The following PEX3 variants were observed in gnomAD, a reference collection of about 807,000 sequenced individuals.
PEX3 encodes the protein peroxisomal biogenesis factor 3.
A neutral mutation model predicts 55.8 loss-of-function variants in PEX3; 30 were observed. The observed-to-expected ratio is 0.54, with a 90% CI of 0.40 to 0.73. PEX3 has a LOEUF of 0.73. Among genes scored for constraint, PEX3 ranks in the 30% least tolerant of loss-of-function variants. The pLI is 0.00. For missense variants in PEX3, 351 were observed against 432.8 expected, an observed-to-expected ratio of 0.81 and a Z score of 1.68; for synonymous variants, 135 against 148.4, an observed-to-expected ratio of 0.91 and a Z score of 0.66.
rs2128746350 is a variant in PEX3 at position 143,468,158 on chromosome 6, GATA to G, written c.329_331del (p.Ile110del). 1.3e-6 allele frequency: 2 copies of G among 1,587,730 alleles called. No individual in the cohort carries two copies. Among genetic ancestry groups the G allele is most frequent in the Non-Finnish European group, 1.7e-6 (2 of 1,156,962 alleles). ...AGCTAGAAATATGGGAGGATCTGAAGATAATAAGTAAGCCTGCATATTCTGTGT... is the reference window on the plus strand; with the variant it reads ...AGCTAGAAATATGGGAGGATCTGAAGATAAGTAAGCCTGCATATTCTGTGT... On this transcript the variant is annotated inframe_deletion, in exon 4 of 12. Transcript: ENST00000367591.
rs35220041 is a variant in PEX3 at position 143,462,955 on chromosome 6, A to G, written c.245A>G (p.Gln82Arg). 9.4e-3 allele frequency: 15,111 copies of G among 1,613,850 alleles called. 888 individuals carry two copies. The Admixed American group carries it at 0.14, about 15-fold the overall frequency. The change falls in exon 3 of 12, where the codon CAG becomes CGG. Residue 82 changes from glutamine to arginine, a missense_variant. By Grantham distance (43) the Gln-to-Arg change is conservative (BLOSUM62 1). Transcript: ENST00000367591. The surrounding 1 kb of genome is among the most constrained non-coding windows in gnomAD (Gnocchi z 4.1). ...CCAACACTGAGAGAGGCCTTAATGC[A>G]GCAACTGAATTCCGAGAGCCTCACA... ...MLPTLREALM[Q>R]QLNSESLTAL...
rs1780333920 is a variant in PEX3, at chr6:143,487,276, T to C, written c.1039-1867T>C. Among the ~76,000 whole-genome samples, 1 of 152,178 alleles carries C rather than the reference T, an allele frequency of 6.6e-6. No individual in the cohort carries two copies. The highest frequency in any genetic ancestry group is 1.5e-5 in the Non-Finnish European group (1 of 68,020). On this transcript the variant is annotated intron_variant, in intron 11 of 11. Coordinates refer to ENST00000367591, the MANE Select transcript of PEX3 (RefSeq NM_003630.3). This position sits in a 1 kb window ranked among gnomAD's most constrained non-coding sequence, Gnocchi z 5.3. ...TACAGTATTTGAACAGATTAAAGTC[T>C]TTATTATAAAGCTGATATAAGTTAG...
chr6:143,478,796 C>T (rs1208272850), intron 9 of PEX3, among the ~76,000 whole-genome samples: 1 of 151,976 alleles, frequency 6.6e-6, no homozygotes, highest in Admixed American at 6.6e-5. Flanking sequence ...TAAGAGTTTC[C>T]TCAAAATTAG....
Position 143,451,051 on chromosome 6 carries a change from G to A in PEX3, c.9G>A (p.Arg3=). The part of the protein sequence containing the change: ML[R]SVWNFLKRHK... ...ACCCCTAGGGCCTAAAGATGCTGAGGTCTGTATGGAATTTTCTGAAACGCC... is the reference window on the plus strand; with the variant it reads ...ACCCCTAGGGCCTAAAGATGCTGAGATCTGTATGGAATTTTCTGAAACGCC... Residue 3 remains arginine (R), a synonymous_variant, in exon 1 of 12, where the codon AGG becomes AGA. Coordinates refer to ENST00000367591, the MANE Select transcript of PEX3 (RefSeq NM_003630.3). The surrounding 1 kb of genome is among the most constrained non-coding windows in gnomAD (Gnocchi z 4.1). 2 of 1,612,794 alleles carry A rather than the reference G, an allele frequency of 1.2e-6. No homozygotes were observed. The highest frequency in any genetic ancestry group is 1.7e-6 in the Non-Finnish European group (2 of 1,178,788).
rs1440106279 is a variant in PEX3, at chr6:143,463,338, T to C, written c.287+341T>C. On this transcript the variant is annotated intron_variant, in intron 3 of 11. Transcript: ENST00000367591. The surrounding 1 kb of genome is among the most constrained non-coding windows in gnomAD (Gnocchi z 5.7). ...AAGCTAACAAAGTTACGTTAAATAT[T>C]GTGCTTCTTTCTGAAAGAGCTTACG... is the stretch of plus-strand genomic sequence containing the variant. Among the ~76,000 whole-genome samples, 2 of 152,250 alleles carry C rather than the reference T, an allele frequency of 1.3e-5. No individual in the cohort carries two copies. The highest frequency in any genetic ancestry group is 2.9e-5 in the Non-Finnish European group (2 of 68,040).
rs1407115099 is a variant in PEX3, at chr6:143,487,160, C to G, written c.1038+1912C>G. Among the ~76,000 whole-genome samples, 1 of 152,132 alleles carries G rather than the reference C, an allele frequency of 6.6e-6. No homozygotes were observed. Among genetic ancestry groups the G allele is most frequent in the Non-Finnish European group, 1.5e-5 (1 of 68,004 alleles). ...ATTATTTCAGATTGCTTTCAGATAA[C>G]ATAAGGAAAGAGCTTTTATAGTGTG... On this transcript the variant is annotated intron_variant, in intron 11 of 11. Coordinates refer to ENST00000367591, the MANE Select transcript of PEX3 (RefSeq NM_003630.3). The surrounding 1 kb of genome is among the most constrained non-coding windows in gnomAD (Gnocchi z 5.3).
intron 1 of PEX3, among the ~76,000 whole-genome samples, chr6:143,455,453 G>C (rs1779833609): frequency 7.2e-6 from 1 of 138,958 alleles, no homozygotes; most frequent in African/African-American, 2.7e-5. Context: ...CTGACCTCGT[G>C]ATCCGCCCAC....
chr6:143,481,218 A>G (rs1170175630), intron 10 of PEX3, among the ~76,000 whole-genome samples: 1 of 150,116 alleles, frequency 6.7e-6, no homozygotes, highest in Non-Finnish European at 1.5e-5. Flanking sequence ...TGTATTACAT[A>G]TGCATGTAAT....
At chr6:143,468,807 C>CCTT (rs367583437) in intron 4 of PEX3, among the ~76,000 whole-genome samples, 1 of 97,644 alleles carries the variant, frequency 1.0e-5, no homozygotes, top group African/African-American at 3.6e-5. Context: ...GCTATCCCCC[C>CCTT]CCCCCCCACC....
intron 2 of PEX3, among the ~76,000 whole-genome samples, chr6:143,460,324 G>T (rs925133305): frequency 5.9e-5 from 9 of 152,242 alleles, no homozygotes; most frequent in Middle Eastern, 3.4e-3. Context: ...AAAGCGAATA[G>T]TAATCATAAA....
intron 7 of PEX3, 113 bp from the exon 8 acceptor site, chr6:143,472,047 C>A: frequency 1.3e-6 from 1 of 753,648 alleles, no homozygotes; most frequent in Non-Finnish European, 2.3e-6. Flanking sequence ...TCAGCAGTTA[C>A]AGGTGTAAGC....
chr6:143,459,196 A>G lies in PEX3; in HGVS notation c.185A>G (p.Gln62Arg). Residue 62 changes from glutamine to arginine, a missense_variant, in exon 2 of 12, where the codon CAG becomes CGG. Transcript: ENST00000367591. This position sits in a 1 kb window ranked among gnomAD's most constrained non-coding sequence, Gnocchi z 4.2. ...CGACAATATCATTTTGAAAGTAACC[A>G]GAGGACTTGCAATATGACAGGTAAG... Reference protein sequence around the residue: ...ARRQYHFESNQRTCNMTVLSM... With the variant: ...ARRQYHFESNRRTCNMTVLSM... 1.2e-6 allele frequency: 2 copies of G among 1,612,764 alleles called. No homozygotes were observed. The highest frequency in any genetic ancestry group is 1.7e-6 in the Non-Finnish European group (2 of 1,178,816).
intron 9 of PEX3, among the ~76,000 whole-genome samples, chr6:143,477,518 T>G (rs571232405): frequency 6.6e-6 from 1 of 152,050 alleles, no homozygotes; most frequent in African/African-American, 2.4e-5. Flanking sequence ...AGGAGTCAGG[T>G]AGGGATGGCT....
At position 143,451,206 on chromosome 6, in the gene PEX3, G is replaced by C; in HGVS notation, c.73+91G>C. 1.1e-6 allele frequency: 1 copy of C among 938,368 alleles called. No individual in the cohort carries two copies. Among genetic ancestry groups the C allele is most frequent in the South Asian group, 1.3e-5 (1 of 77,736 alleles). 58.1% of individuals were successfully genotyped at this position (938,368 alleles called of 1,614,324 possible). A position where few individuals can be genotyped will look rare whatever the true frequency, so the allele number is the denominator to read the frequency against. ...AATAAGGACAGGCCGGGCGATCCTAGTCTGGGATATGTAGAGGGAGTTCGA... is the reference window on the plus strand; with the variant it reads ...AATAAGGACAGGCCGGGCGATCCTACTCTGGGATATGTAGAGGGAGTTCGA... On this transcript the variant is annotated intron_variant, in intron 1 of 11. Coordinates refer to ENST00000367591, the MANE Select transcript of PEX3 (RefSeq NM_003630.3). This position sits in a 1 kb window ranked among gnomAD's most constrained non-coding sequence, Gnocchi z 4.1.
rs2032308804 is a variant in PEX3 at position 143,465,260 on chromosome 6, C to A, written c.287+2263C>A. 1.3e-5 allele frequency among the ~76,000 whole-genome samples: 2 copies of A among 151,798 alleles called. No homozygotes were observed. The highest frequency in any genetic ancestry group is 1.9e-4 in the East Asian group (1 of 5,172). On this transcript the variant is annotated intron_variant, in intron 3 of 11. Transcript: ENST00000367591. The surrounding 1 kb of genome is among the most constrained non-coding windows in gnomAD (Gnocchi z 4.7). ...TCTCTGTTCTACATAGATTTGGAAT[C>A]TTTTATGTAGATTTTGGAGTTTTTT... is the stretch of plus-strand genomic sequence containing the variant.
At chr6:143,467,221 A>T (rs1017725396) in intron 3 of PEX3, among the ~76,000 whole-genome samples, 1 of 152,048 alleles carries the variant, frequency 6.6e-6, no homozygotes, top group Non-Finnish European at 1.5e-5. Flanking sequence ...CCTATTTTTT[A>T]TGTGGACAAA....
chr6:143,455,696 G>T (rs888297443), intron 1 of PEX3, among the ~76,000 whole-genome samples: 12 of 152,100 alleles, frequency 7.9e-5, no homozygotes, highest in Non-Finnish European at 1.6e-4. Flanking sequence ...ATATAAGATA[G>T]GTTAAACAGG....
rs771216075 is a variant in PEX3 at position 143,458,158 on chromosome 6, C to G, written c.74-927C>G. 2.0e-5 allele frequency among the ~76,000 whole-genome samples: 3 copies of G among 152,144 alleles called. No individual in the cohort carries two copies. Among genetic ancestry groups the G allele is most frequent in the Non-Finnish European group, 4.4e-5 (3 of 68,018 alleles). On this transcript the variant is annotated intron_variant, in intron 1 of 11. Transcript: ENST00000367591. This position sits in a 1 kb window ranked among gnomAD's most constrained non-coding sequence, Gnocchi z 6.1. ...GTGGCTTTTGATCAAGTGTGGCTAA[C>G]TAACCACTCTGGAATGTTCACATTC...
rs1780077868 is a variant in PEX3 at position 143,471,770 on chromosome 6, A to G, written c.578+159A>G. On this transcript the variant is annotated intron_variant, in intron 7 of 11. Coordinates refer to ENST00000367591, the MANE Select transcript of PEX3 (RefSeq NM_003630.3). The surrounding 1 kb of genome is among the most constrained non-coding windows in gnomAD (Gnocchi z 5.4). Reference sequence around the variant, plus strand: ...CCTAGGATATTGCATTGTGGGATCCATTTTCTTTATCTTTTTTTTTATACA... The same window carrying G: ...CCTAGGATATTGCATTGTGGGATCCGTTTTCTTTATCTTTTTTTTTATACA... Among the ~76,000 whole-genome samples the G allele has an allele frequency of 6.8e-6, 1 of 147,056 alleles. No homozygotes were observed. The highest frequency in any genetic ancestry group is 6.7e-5 in the Admixed American group (1 of 14,852).
Sources: allele counts gnomAD v4.1 joint callset (sites outside exome capture counted in the v4.1 genomes callset), GRCh38; gene constraint gnomAD v4.1.1; non-coding constraint Gnocchi (gnomAD v3.1); transcripts MANE v1.5; gene names NCBI Gene and HGNC (gene_info 2026-07-23, HGNC 2026-07-21).